The following SEMA6A variants were observed in gnomAD, a reference collection of about 807,000 sequenced individuals.
The protein encoded by SEMA6A is semaphorin-6A.
A neutral mutation model predicts 96.8 loss-of-function variants in SEMA6A; 25 were observed. The ratio of observed to expected loss-of-function variants is 0.26; its 90% CI spans 0.19 to 0.36. SEMA6A has a LOEUF of 0.36. Among genes scored for constraint, SEMA6A ranks in the 10% least tolerant of loss-of-function variants. SEMA6A has a pLI of 1.00. For synonymous variants in SEMA6A, 612 were observed against 518.0 expected (o/e 1.18, Z -2.46); for missense variants, 1,363 against 1,323.1 (o/e 1.03, Z -0.47).
chr5:116,486,441 A>G (rs1274337243), intron 10 of SEMA6A, among the ~76,000 whole-genome samples: 2 of 152,224 alleles, frequency 1.3e-5, no homozygotes, highest in Admixed American at 6.5e-5. Flanking sequence ...AAAGAAGACA[A>G]TATTATCTAG....
intron 8 of SEMA6A, 84 bp from the exon 9 acceptor site, chr5:116,488,280 T>C (rs935329649): frequency 1.1e-6 from 1 of 909,040 alleles, no homozygotes; most frequent in African/African-American, 1.6e-5. Context: ...AGACATGTTA[T>C]TAATTAAAAG....
intron 1 of SEMA6A, chr5:116,550,150 AT>A (rs1252369310): frequency 1.3e-5 from 2 of 152,208 alleles, no homozygotes; most frequent in Non-Finnish European, 2.9e-5. Flanking sequence ...TGTTATACAT[AT>A]CCATTGATTA....
At chr5:116,449,300 C>T in intron 18 of SEMA6A, 1 of 701,808 alleles carries the variant, frequency 1.4e-6, no homozygotes. Context: ...GAAATGATAG[C>T]AAGACAGAAA....
intron 18 of SEMA6A, among the ~76,000 whole-genome samples, chr5:116,450,697 T>C (rs1754570729): frequency 6.6e-6 from 1 of 151,580 alleles, no homozygotes; most frequent in African/African-American, 2.4e-5. Context: ...CTCAGACAGA[T>C]TTTTTCCCCC....
At chr5:116,459,972 G>A (rs1755274534) in intron 18 of SEMA6A, among the ~76,000 whole-genome samples, 1 of 152,116 alleles carries the variant, frequency 6.6e-6, no homozygotes, top group South Asian at 2.1e-4. Flanking sequence ...CTTTCTTTGA[G>A]ATGAGATTGT....
intron 1 of SEMA6A, among the ~76,000 whole-genome samples, chr5:116,522,782 T>C (rs1314266500): frequency 6.6e-6 from 1 of 152,168 alleles, no homozygotes; most frequent in Non-Finnish European, 1.5e-5. Flanking sequence ...ACCTGCCCCC[T>C]TGTTCTCTGT....
At chr5:116,570,587 G>A (rs1761173680) in intron 1 of SEMA6A, among the ~76,000 whole-genome samples, 1 of 152,228 alleles carries the variant, frequency 6.6e-6, no homozygotes, top group Admixed American at 6.5e-5. Context: ...TAAAGCATTT[G>A]CAATTAGCTT....
intron 1 of SEMA6A, among the ~76,000 whole-genome samples, chr5:116,529,006 T>C (rs996654410): frequency 3.3e-5 from 5 of 152,166 alleles, no homozygotes; most frequent in South Asian, 4.1e-4. Context: ...GAAACTGGCA[T>C]AATAATAAGC....
chr5:116,519,664 T>TACACACACACAC (rs72233200), intron 1 of SEMA6A, among the ~76,000 whole-genome samples: 73 of 147,026 alleles, frequency 5.0e-4, no homozygotes, highest in African/African-American at 1.6e-3. Context: ...ATGCTGTGTG[T>TACACACACACAC]ACACACACAC....
chr5:116,494,939 C>CT (rs1561495802), intron 6 of SEMA6A, among the ~76,000 whole-genome samples: 2 of 122,870 alleles, frequency 1.6e-5, no homozygotes, highest in Non-Finnish European at 3.7e-5. Flanking sequence ...TAAGCAAGGC[C>CT]GTGGTCAAGA....
rs1561454973 is a variant in SEMA6A, at chr5:116,444,690, G to T, written c.*1923C>A. 1 of 152,368 alleles carries T rather than the reference G, an allele frequency of 6.6e-6. No individual in the cohort carries two copies. Among genetic ancestry groups the T allele is most frequent in the Non-Finnish European group, 1.5e-5 (1 of 68,034 alleles). 9.4% of individuals were successfully genotyped at this position (152,368 alleles called of 1,614,324 possible). On this transcript the variant is annotated 3_prime_UTR_variant, in exon 19 of 19. Coordinates refer to ENST00000343348, the MANE Select transcript of SEMA6A (RefSeq NM_020796.5). ...TAAAAAATAAAATAAAAAATCCTTT[G>T]CCCCAGTCAACGTTTTTGCAGCATC... is the stretch of plus-strand genomic sequence containing the variant.
At chr5:116,536,888 A>T (rs952637916) in intron 1 of SEMA6A, among the ~76,000 whole-genome samples, 45 of 147,332 alleles carry the variant, frequency 3.1e-4, no homozygotes, top group Admixed American at 2.5e-3. Context: ...AAAAAAAAAA[A>T]AAAAAAGCAA....
chr5:116,502,104 C>T, intron 3 of SEMA6A, 106 bp downstream of exon 3: 2 of 797,252 alleles, frequency 2.5e-6, no homozygotes, highest in Non-Finnish European at 2.1e-6. Flanking sequence ...TTAAATAACA[C>T]TCTATTTAGA....
chr5:116,473,791 T>A (rs142928103), intron 16 of SEMA6A, among the ~76,000 whole-genome samples: 400 of 152,284 alleles, frequency 2.6e-3, no homozygotes, highest in Non-Finnish European at 4.5e-3. Context: ...ATAGAGGTAG[T>A]TCATGCTTCA....
intron 1 of SEMA6A, among the ~76,000 whole-genome samples, chr5:116,522,993 A>G (rs868652650): frequency 2.0e-5 from 3 of 152,344 alleles, no homozygotes; most frequent in Non-Finnish European, 4.4e-5. Flanking sequence ...GAAAGAATTC[A>G]TCAGGAGAGC....
chr5:116,478,758 C>A, intron 12 of SEMA6A, 40 bp from the exon 13 acceptor site: 2 of 1,595,266 alleles, frequency 1.3e-6, no homozygotes, highest in East Asian at 2.2e-5. Context: ...CTTTGTTGGT[C>A]TATCATTAAA....
intron 1 of SEMA6A, among the ~76,000 whole-genome samples, chr5:116,569,136 C>T (rs1761115409): frequency 6.6e-6 from 1 of 151,972 alleles, no homozygotes; most frequent in Non-Finnish European, 1.5e-5. Flanking sequence ...GTTTGTCAGA[C>T]TGTGAAAAAT....
intron 18 of SEMA6A, 114 bp downstream of exon 18, chr5:116,467,469 A>C: frequency 1.0e-6 from 1 of 962,986 alleles, no homozygotes; most frequent in Non-Finnish European, 1.5e-6. Context: ...TTTCAATCAT[A>C]GCGCATTGGA....
chr5:116,472,800 T>C, intron 17 of SEMA6A: 1 of 1,019,870 alleles, frequency 9.8e-7, no homozygotes, highest in Non-Finnish European at 1.4e-6. Flanking sequence ...ATCTGGTCCA[T>C]GATGTTTAGG....
Sources: allele counts gnomAD v4.1 joint callset (sites outside exome capture counted in the v4.1 genomes callset), GRCh38; gene constraint gnomAD v4.1.1; transcripts MANE v1.5; gene names NCBI Gene and HGNC (gene_info 2026-07-23, HGNC 2026-07-21).